PCDHGA12: variants seen among roughly 807,000 people sequenced by gnomAD.
PCDHGA12 encodes the protein protocadherin gamma-A12.
PCDHGA12 carries 43 observed loss-of-function variants against 61.1 expected under a neutral mutation model. That is an observed-to-expected ratio of 0.70 (90% CI 0.55 to 0.91). The LOEUF is 0.91. Ranked by LOEUF, PCDHGA12 falls within the 40% of genes least tolerant of loss-of-function variation. The pLI, the probability that PCDHGA12 is intolerant of heterozygous loss-of-function variation, is 0.00. For synonymous variants in PCDHGA12, 520 were observed against 542.9 expected, an observed-to-expected ratio of 0.96 and a Z score of 0.59; for missense variants, 1,236 against 1,227.7, an observed-to-expected ratio of 1.01 and a Z score of -0.10.
chr5:141,505,284 G>A, intron 2 of PCDHGA12, 109 bp from the exon 3 acceptor site: 1 of 1,548,402 alleles, frequency 6.5e-7, no homozygotes. Flanking sequence ...CAGGTCTTGG[G>A]CATGGGGTAG....
At chr5:141,450,549 C>T (rs1414500813) in intron 1 of PCDHGA12, among the ~76,000 whole-genome samples, 2 of 151,756 alleles carry the variant, frequency 1.3e-5, no homozygotes, top group Non-Finnish European at 2.9e-5. Context: ...TGCAGTGGCG[C>T]AGTCTCGGCT....
intron 3 of PCDHGA12, among the ~76,000 whole-genome samples, chr5:141,509,808 G>A (rs905531504): frequency 3.9e-5 from 6 of 152,028 alleles, no homozygotes; most frequent in Non-Finnish European, 7.4e-5. Context: ...TCATAGAGCC[G>A]AGCTCTTCTC....
At chr5:141,501,116 C>T (rs1325487254) in intron 2 of PCDHGA12, among the ~76,000 whole-genome samples, 1 of 152,154 alleles carries the variant, frequency 6.6e-6, no homozygotes, top group Non-Finnish European at 1.5e-5. Flanking sequence ...ATCCGCCTGC[C>T]TCAGCCTCCC....
chr5:141,470,565 A>T (rs2099233471), intron 1 of PCDHGA12, among the ~76,000 whole-genome samples: 1 of 152,172 alleles, frequency 6.6e-6, no homozygotes, highest in African/African-American at 2.4e-5. Context: ...CCTCTGTGCC[A>T]AGCAGGATCA....
Position 141,432,044 on chromosome 5 carries a change from A to T in PCDHGA12, c.1285A>T (p.Thr429Ser). 6.2e-7 allele frequency: 1 copy of T among 1,613,886 alleles called. No individual in the cohort carries two copies. Among genetic ancestry groups the T allele is most frequent in the Non-Finnish European group, 8.5e-7 (1 of 1,179,922 alleles). ...CACAGTGACCGCCACTGACCGGGGA[A>T]CCCCGCCCCTATCCACGGAAACTCA... ...NITVTATDRG[T>S]PPLSTETHIS... Residue 429 changes from threonine to serine, a missense_variant, in exon 1 of 4, where the codon ACC (threonine) becomes TCC (serine). Coordinates refer to ENST00000252085, the MANE Select transcript of PCDHGA12 (RefSeq NM_003735.3). This position sits in a 1 kb window ranked among gnomAD's most constrained non-coding sequence, Gnocchi z 6.0.
In PCDHGA12 at chr5:141,431,777, G is replaced by C. The variant is rs151011884; in HGVS notation, c.1018G>C (p.Val340Leu). 1.2e-6 allele frequency: 2 copies of C among 1,614,188 alleles called. No individual in the cohort carries two copies. The highest frequency in any genetic ancestry group is 4.5e-5 in the East Asian group (2 of 44,870). ...RAKVLITVLD[V>L]NDNAPEVVLT... ...CAAAGTCCTGATCACTGTTCTGGAC[G>C]TGAACGACAATGCCCCAGAAGTGGT... The change falls in exon 1 of 4, where the codon GTG becomes CTG. Residue 340 changes from valine (V) to leucine (L), a missense_variant. By Grantham distance (32) the Val-to-Leu change is conservative. Coordinates refer to ENST00000252085, the MANE Select transcript of PCDHGA12 (RefSeq NM_003735.3). The surrounding 1 kb of genome is among the most constrained non-coding windows in gnomAD (Gnocchi z 4.8).
chr5:141,480,955 G>A (rs2154578440), intron 1 of PCDHGA12, among the ~76,000 whole-genome samples: 1 of 152,304 alleles, frequency 6.6e-6, no homozygotes, highest in South Asian at 2.1e-4. Context: ...TGAGGCGGAA[G>A]CATCAGTGAG....
In PCDHGA12 at chr5:141,486,247, C is replaced by T. The variant is rs935513223; in HGVS notation, c.2425-8560C>T. The T allele has an allele frequency of 2.5e-6, 4 of 1,614,014 alleles. No homozygotes were observed. The African/African-American group carries it at 5.3e-5, about 22-fold the overall frequency. On this transcript the variant is annotated intron_variant, in intron 1 of 3. Transcript: ENST00000252085. This position sits in a 1 kb window ranked among gnomAD's most constrained non-coding sequence, Gnocchi z 5.0. Reference sequence around the variant, plus strand: ...TCACAGTGACCTCAGAGCTTGGAACCCTCCCCGAGAGTGCAGAACCTGGCA... The same window carrying T: ...TCACAGTGACCTCAGAGCTTGGAACTCTCCCCGAGAGTGCAGAACCTGGCA...
rs115001531 is a variant in PCDHGA12, at chr5:141,495,385, G to A, written c.2483+520G>A. Among the ~76,000 whole-genome samples the A allele has an allele frequency of 2.2e-3, 339 of 152,328 alleles. 1 individual carries two copies. Among genetic ancestry groups the A allele is most frequent in the African/African-American group, 7.9e-3 (329 of 41,590 alleles). ...AGGTGGAACTGAGGAAGGACTGGGC[G>A]GGGCATGGAGCAGGCCCCCTTCTCC... On this transcript the variant is annotated intron_variant, in intron 2 of 3. Transcript: ENST00000252085.
intron 1 of PCDHGA12, among the ~76,000 whole-genome samples, chr5:141,433,408 A>ATCTATCTATCTATCT (rs1413347413): frequency 7.9e-6 from 1 of 127,280 alleles, no homozygotes; most frequent in African/African-American, 2.9e-5. Flanking sequence ...TCTATCTATT[A>ATCTATCTATCTATCT]CTTTCTTGTA....
intron 1 of PCDHGA12, among the ~76,000 whole-genome samples, chr5:141,449,103 A>G (rs1033077737): frequency 2.0e-5 from 3 of 152,206 alleles, no homozygotes; most frequent in African/African-American, 7.2e-5. Context: ...CATATGCAGT[A>G]TATCTTTGGG....
chr5:141,482,144 G>A (rs564178008), intron 1 of PCDHGA12, among the ~76,000 whole-genome samples: 2 of 151,756 alleles, frequency 1.3e-5, no homozygotes, highest in African/African-American at 2.4e-5. Flanking sequence ...GGCATAAAAA[G>A]GTCAAGTCAA....
At chr5:141,488,978 C>T (rs1346335195) in intron 1 of PCDHGA12, 4 of 388,976 alleles carry the variant, frequency 1.0e-5, no homozygotes, top group African/African-American at 2.1e-5. Flanking sequence ...GCCAATCAGA[C>T]TCAGAGCTGA....
chr5:141,485,416 C>T lies in PCDHGA12; in HGVS notation c.2425-9391C>T, dbSNP rs1311879785. On this transcript the variant is annotated intron_variant, in intron 1 of 3. Coordinates refer to ENST00000252085, the MANE Select transcript of PCDHGA12 (RefSeq NM_003735.3). This position sits in a 1 kb window ranked among gnomAD's most constrained non-coding sequence, Gnocchi z 5.7. Reference sequence around the variant, plus strand: ...GACACTTCCGTGTGGATTTGGACAGCGGAGCCCTGCTCATCAAGAACCCAA... The same window carrying T: ...GACACTTCCGTGTGGATTTGGACAGTGGAGCCCTGCTCATCAAGAACCCAA... 10 of 1,613,988 alleles carry T rather than the reference C, an allele frequency of 6.2e-6. No individual in the cohort carries two copies. Among genetic ancestry groups the T allele is most frequent in the South Asian group, 4.4e-5 (4 of 91,086 alleles).
Position 141,511,165 on chromosome 5 carries a change from A to G in PCDHGA12, c.2791A>G (p.Lys931Glu). 1 of 1,614,096 alleles carries G rather than the reference A, an allele frequency of 6.2e-7. No homozygotes were observed. Among genetic ancestry groups the G allele is most frequent in the East Asian group, 2.2e-5 (1 of 44,870 alleles). ...CAAGAAGAAGTCGGGCAAGAAGGAGAAGAAGTAACATGGAGGCCAGGCCAA... is the reference window on the plus strand; with the variant it reads ...CAAGAAGAAGTCGGGCAAGAAGGAGGAGAAGTAACATGGAGGCCAGGCCAA... ...GNKKKSGKKE[K>E]K Residue 931 changes from lysine (K) to glutamate (E), a missense_variant, in exon 4 of 4, where the codon AAG (lysine) becomes GAG (glutamate). Physicochemically the swap from Lys to Glu is moderately conservative, Grantham distance 56. Transcript: ENST00000252085.
At chr5:141,460,780 A>G (rs1387522399) in intron 1 of PCDHGA12, among the ~76,000 whole-genome samples, 3 of 152,042 alleles carry the variant, frequency 2.0e-5, no homozygotes, top group Non-Finnish European at 4.4e-5. Context: ...GTATGTATAC[A>G]TATATACACA....
chr5:141,435,890 A>G (rs2097784923), intron 1 of PCDHGA12, among the ~76,000 whole-genome samples: 1 of 152,176 alleles, frequency 6.6e-6, no homozygotes, highest in Non-Finnish European at 1.5e-5. Context: ...AACCCCTTAG[A>G]GAATGAAAGA....
intron 2 of PCDHGA12, among the ~76,000 whole-genome samples, chr5:141,496,538 T>G (rs568286018): frequency 1.5e-4 from 23 of 152,266 alleles, no homozygotes; most frequent in African/African-American, 5.5e-4. Flanking sequence ...TGGCAGAGAT[T>G]CCAGCTTCTG....
chr5:141,492,316 G>C (rs1283387204), intron 1 of PCDHGA12, among the ~76,000 whole-genome samples: 1 of 152,190 alleles, frequency 6.6e-6, no homozygotes. Context: ...CGCACTCCTC[G>C]CACGTGGGCT....
Sources: allele counts gnomAD v4.1 joint callset (sites outside exome capture counted in the v4.1 genomes callset), GRCh38; gene constraint gnomAD v4.1.1; non-coding constraint Gnocchi (gnomAD v3.1); transcripts MANE v1.5; gene names NCBI Gene and HGNC (gene_info 2026-07-23, HGNC 2026-07-21).